Variants in ZDHHC5 observed in about 807,000 individuals in gnomAD.
The protein encoded by ZDHHC5 is palmitoyltransferase ZDHHC5.
Under a neutral mutation model 70.0 loss-of-function variants are expected in ZDHHC5, and 22 were observed. The ratio of observed to expected loss-of-function variants is 0.31; its 90% confidence interval spans 0.22 to 0.45. The LOEUF is 0.45. Ranked by LOEUF, ZDHHC5 falls within the 20% of genes least tolerant of loss-of-function variation. The pLI, the probability that ZDHHC5 is intolerant of heterozygous loss-of-function variation, is 1.00. For missense variants in ZDHHC5, 746 were observed against 926.9 expected (o/e 0.80, Z 2.53); for synonymous variants, 313 against 347.8 (o/e 0.90, Z 1.11).
chr11:57,689,978 A>T, intron 4 of ZDHHC5, 53 bp from the exon 5 acceptor site: 1 of 1,574,066 alleles, frequency 6.4e-7, no homozygotes, highest in Non-Finnish European at 8.6e-7. Flanking sequence ...TGACAGAAGT[A>T]ATTTAATGCT....
intron 1 of ZDHHC5, among the ~76,000 whole-genome samples, chr11:57,670,609 A>G (rs190958990): frequency 1.3e-5 from 2 of 152,302 alleles, no homozygotes; most frequent in African/African-American, 4.8e-5. Flanking sequence ...ATCAGGGACT[A>G]GAGAGGATTT....
intron 6 of ZDHHC5, among the ~76,000 whole-genome samples, chr11:57,692,080 G>A (rs1017424025): frequency 6.6e-6 from 1 of 152,006 alleles, no homozygotes; most frequent in Non-Finnish European, 1.5e-5. Flanking sequence ...GCAGTGGCAC[G>A]ATCTCGGCTC....
intron 10 of ZDHHC5, among the ~76,000 whole-genome samples, chr11:57,697,197 TCAC>T (rs1424846330): frequency 6.6e-6 from 1 of 151,992 alleles, no homozygotes; most frequent in African/African-American, 2.4e-5. Flanking sequence ...GCACAGTGGC[TCAC>T]GCCTGTAATC....
At chr11:57,669,436 C>G (rs1217908110) in intron 1 of ZDHHC5, among the ~76,000 whole-genome samples, 1 of 152,164 alleles carries the variant, frequency 6.6e-6, no homozygotes, top group Non-Finnish European at 1.5e-5. Context: ...TACTCTGTGC[C>G]TCAATATGGC....
chr11:57,679,313 C>A (rs1463480688), intron 2 of ZDHHC5, among the ~76,000 whole-genome samples: 1 of 152,148 alleles, frequency 6.6e-6, no homozygotes, highest in Admixed American at 6.5e-5. Flanking sequence ...TGGTGCCCAC[C>A]ACCACGCCCG....
intron 11 of ZDHHC5, 47 bp from the exon 12 acceptor site, chr11:57,699,818 GT>G (rs1946416315): frequency 1.2e-6 from 2 of 1,611,068 alleles, no homozygotes; most frequent in African/African-American, 2.7e-5. Context: ...CCTTTCCAAT[GT>G]TTTCTGTCCC....
At chr11:57,669,625 T>C (rs1421974474) in intron 1 of ZDHHC5, among the ~76,000 whole-genome samples, 1 of 152,006 alleles carries the variant, frequency 6.6e-6, no homozygotes, top group African/African-American at 2.4e-5. Context: ...CCCTGCTCAT[T>C]TGTTTGTATT....
intron 8 of ZDHHC5, among the ~76,000 whole-genome samples, chr11:57,694,125 G>A (rs1389957351): frequency 2.0e-5 from 3 of 151,562 alleles, no homozygotes; most frequent in African/African-American, 4.8e-5. Flanking sequence ...CCGAGTAGCT[G>A]GGATTACAGG....
chr11:57,682,666 T>C, intron 3 of ZDHHC5, 123 bp downstream of exon 3: 1 of 1,253,578 alleles, frequency 8.0e-7, no homozygotes, highest in Middle Eastern at 2.8e-4. Context: ...AATAATGATT[T>C]GGGCATACGC....
intron 8 of ZDHHC5, 124 bp from the exon 9 acceptor site, chr11:57,695,795 CA>C (rs200575894): frequency 0.18 from 204,997 of 1,108,612 alleles, 1,061 homozygotes; most frequent in African/African-American, 0.27. Flanking sequence ...GACCTTGTCT[CA>C]AAAAAAAAAA....
intron 11 of ZDHHC5, 21 bp from the exon 12 acceptor site, chr11:57,699,845 C>G (rs201514417): frequency 8.6e-5 from 139 of 1,613,950 alleles, no homozygotes; most frequent in Non-Finnish European, 1.0e-4. Context: ...CTGACACCTA[C>G]GTCTTGTCTC....
At chr11:57,670,090 A>G (rs1322910123) in intron 1 of ZDHHC5, among the ~76,000 whole-genome samples, 3 of 152,218 alleles carry the variant, frequency 2.0e-5, no homozygotes, top group Admixed American at 2.0e-4. Context: ...AATATATAGT[A>G]TCTAAATGAT....
At chr11:57,687,921 C>T (rs1024275708) in intron 3 of ZDHHC5, among the ~76,000 whole-genome samples, 12 of 151,758 alleles carry the variant, frequency 7.9e-5, no homozygotes, top group Non-Finnish European at 1.6e-4. Flanking sequence ...CAGGTGCATG[C>T]CACCACACCA....
Position 57,672,007 on chromosome 11 carries a change from T to G in ZDHHC5, c.-1070-14T>G, listed in dbSNP as rs1946012790. The G allele has an allele frequency of 5.3e-6, 2 of 378,468 alleles. No homozygotes were observed. The highest frequency in any genetic ancestry group is 9.3e-6 in the Non-Finnish European group (2 of 213,912). The allele number at this position is 378,468 out of a possible 1,614,324, so 23.4% of individuals were successfully genotyped here. A position where few individuals can be genotyped will look rare whatever the true frequency, so the allele number is the denominator to read the frequency against. On this transcript the variant is annotated splice_polypyrimidine_tract_variant and intron_variant, in intron 1 of 11. Coordinates refer to ENST00000287169, the MANE Select transcript of ZDHHC5 (RefSeq NM_015457.3). ...TGAAAGAATTCTCTGATAAAGATACTTGTTTTTCTCCAGGTGAGACACAGT... is the reference window on the plus strand; with the variant it reads ...TGAAAGAATTCTCTGATAAAGATACGTGTTTTTCTCCAGGTGAGACACAGT...
At chr11:57,689,213 A>G (rs1007995206) in intron 4 of ZDHHC5, among the ~76,000 whole-genome samples, 51 of 151,594 alleles carry the variant, frequency 3.4e-4, no homozygotes, top group Non-Finnish European at 1.5e-4. Flanking sequence ...TTTCCATTCC[A>G]TTTTCACTTA....
Position 57,688,529 on chromosome 11 carries a change from A to G in ZDHHC5, c.248A>G (p.Glu83Gly). 1 of 1,598,532 alleles carries G rather than the reference A, an allele frequency of 6.3e-7. No individual in the cohort carries two copies. The highest frequency in any genetic ancestry group is 8.5e-7 in the Non-Finnish European group (1 of 1,171,510). ...FPRAEEDEDKEDDFRAPLYKT... is the reference protein window; with the variant it reads ...FPRAEEDEDKGDDFRAPLYKT... ...ACAGCTGAGGAGGATGAGGACAAGG[A>G]AGATGATTTCCGAGCTCCCCTTTAC... Residue 83 changes from glutamate (E) to glycine (G), a missense_variant, in exon 4 of 12, where the codon GAA (glutamate) becomes GGA (glycine). Coordinates refer to ENST00000287169, the MANE Select transcript of ZDHHC5 (RefSeq NM_015457.3).
At chr11:57,675,659 A>G (rs1946062609) in intron 2 of ZDHHC5, among the ~76,000 whole-genome samples, 1 of 152,148 alleles carries the variant, frequency 6.6e-6, no homozygotes, top group Non-Finnish European at 1.5e-5. Flanking sequence ...CATCTCCCCT[A>G]GTCACCTTGT....
intron 3 of ZDHHC5, among the ~76,000 whole-genome samples, chr11:57,687,062 C>A (rs912300864): frequency 6.6e-6 from 1 of 151,988 alleles, no homozygotes; most frequent in Non-Finnish European, 1.5e-5. Flanking sequence ...AACTCCTGGC[C>A]TCAAGTCATC....
chr11:57,688,296 T>G (rs1946237556), intron 3 of ZDHHC5, among the ~76,000 whole-genome samples: 1 of 152,342 alleles, frequency 6.6e-6, no homozygotes, highest in South Asian at 2.1e-4. Context: ...CGAACCTCAC[T>G]TCCCAATGCA....
Sources: allele counts gnomAD v4.1 joint callset (sites outside exome capture counted in the v4.1 genomes callset), GRCh38; gene constraint gnomAD v4.1.1; transcripts MANE v1.5; gene names NCBI Gene and HGNC (gene_info 2026-07-23, HGNC 2026-07-21).